Variants in SYN2 observed in about 807,000 individuals in gnomAD.
SYN2 encodes synapsin-2.
A neutral mutation model predicts 50.9 loss-of-function variants in SYN2; 19 were observed. The observed-to-expected ratio is 0.37, with a 90% confidence interval of 0.26 to 0.55. The LOEUF (loss-of-function observed/expected upper bound fraction) is 0.55. SYN2 is among the 20% of genes least tolerant of loss of function. The probability of loss-of-function intolerance (pLI) is 0.81; values close to 1 mark genes in which losing one functional copy is unlikely to be tolerated. For synonymous variants in SYN2, 255 were observed against 224.9 expected, an observed-to-expected ratio of 1.13 and a Z score of -1.20; for missense variants, 587 against 576.4, an observed-to-expected ratio of 1.02 and a Z score of -0.19.
At chr3:12,142,814 C>T (rs901689808) in intron 3 of SYN2, among the ~76,000 whole-genome samples, 3 of 152,152 alleles carry the variant, frequency 2.0e-5, no homozygotes, top group Admixed American at 6.5e-5. Context: ...CTCTCTTCTC[C>T]ACCTCAATCT....
At chr3:12,017,210 A>G (rs1694044241) in intron 1 of SYN2, among the ~76,000 whole-genome samples, 1 of 152,188 alleles carries the variant, frequency 6.6e-6, no homozygotes, top group South Asian at 2.1e-4. Flanking sequence ...CAAGGCAGGG[A>G]AAAGAGGGAA....
intron 1 of SYN2, among the ~76,000 whole-genome samples, chr3:12,127,991 G>T (rs1696708276): frequency 6.6e-6 from 1 of 151,944 alleles, no homozygotes; most frequent in Non-Finnish European, 1.5e-5. Flanking sequence ...TGTTGCCCAG[G>T]CTGGAGTGCA....
chr3:12,022,077 CAAAAAA>C (rs76652649), intron 1 of SYN2, among the ~76,000 whole-genome samples: 1 of 122,584 alleles, frequency 8.2e-6, no homozygotes, highest in African/African-American at 3.2e-5. Context: ...GGCTCTGTGT[CAAAAAA>C]AAAAAAAAAA....
chr3:12,023,759 G>C (rs1199661564), intron 1 of SYN2, among the ~76,000 whole-genome samples: 1 of 152,140 alleles, frequency 6.6e-6, no homozygotes, highest in Non-Finnish European at 1.5e-5. Context: ...TAGAAAATGG[G>C]CTGTGGGGGG....
chr3:12,116,314 A>C (rs990953695), intron 1 of SYN2, among the ~76,000 whole-genome samples: 2 of 152,242 alleles, frequency 1.3e-5, no homozygotes, highest in Non-Finnish European at 2.9e-5. Context: ...GCATGATCAG[A>C]GAAAGGTTGG....
At chr3:12,034,179 T>C (rs765137142) in intron 1 of SYN2, among the ~76,000 whole-genome samples, 5 of 152,234 alleles carry the variant, frequency 3.3e-5, no homozygotes, top group Non-Finnish European at 7.3e-5. Context: ...CTTCACATCC[T>C]CAGTGACAGT....
intron 1 of SYN2, among the ~76,000 whole-genome samples, chr3:12,035,144 A>G (rs1056438904): frequency 3.9e-5 from 6 of 152,218 alleles, no homozygotes; most frequent in African/African-American, 1.2e-4. Context: ...AAAACCCAAC[A>G]TCATGAATAA....
At chr3:12,153,798 A>G in intron 5 of SYN2, 4 of 1,447,042 alleles carry the variant, frequency 2.8e-6, no homozygotes, top group Non-Finnish European at 3.9e-6. Flanking sequence ...GTACCTTTCC[A>G]GCCCATCTCA....
intron 1 of SYN2, among the ~76,000 whole-genome samples, chr3:12,058,745 A>C (rs1056834188): frequency 2.0e-4 from 30 of 152,204 alleles, no homozygotes; most frequent in Admixed American, 1.9e-3. Context: ...TGACCTAGTC[A>C]AAAGATTCTG....
chr3:12,183,367 C>G lies in SYN2; in HGVS notation c.1364C>G (p.Pro455Arg). ...AAGACCCCACCTCAGCGGCCACCCC[C>G]TCAAGGTTGTTTACAGTATATTCTC... ...SSKTPPQRPP[P>R]QGGPGQPQGM... is the part of the protein sequence containing the mutation. Residue 455 changes from proline (P) to arginine (R), a missense_variant, in exon 11 of 13, where the codon CCT (proline) becomes CGT (arginine). Coordinates refer to ENST00000621198, the MANE Select transcript of SYN2 (RefSeq NM_133625.6). 1.2e-6 allele frequency: 2 copies of G among 1,613,948 alleles called. No homozygotes were observed. Among genetic ancestry groups the G allele is most frequent in the Non-Finnish European group, 8.5e-7 (1 of 1,179,868 alleles).
intron 5 of SYN2, chr3:12,159,191 C>G: frequency 3.6e-6 from 1 of 274,486 alleles, no homozygotes; most frequent in Non-Finnish European, 6.8e-6. Context: ...AAGACAAATG[C>G]ATGAGGACAG....
intron 1 of SYN2, among the ~76,000 whole-genome samples, chr3:12,043,105 C>G (rs1273921757): frequency 1.3e-5 from 2 of 151,766 alleles, no homozygotes; most frequent in Non-Finnish European, 2.9e-5. Flanking sequence ...TCATTGCAGC[C>G]TTAAATTCCT....
intron 1 of SYN2, among the ~76,000 whole-genome samples, chr3:12,120,698 C>T (rs915185018): frequency 6.6e-6 from 1 of 152,152 alleles, no homozygotes; most frequent in African/African-American, 2.4e-5. Context: ...CTAGCCACTA[C>T]CTGAGGGAAT....
intron 5 of SYN2, chr3:12,158,859 CTG>C: frequency 6.5e-7 from 1 of 1,549,816 alleles, no homozygotes; most frequent in South Asian, 1.2e-5. Context: ...AGATCCGCGA[CTG>C]AGCCTGTGAG....
At chr3:12,006,423 A>C (rs1161375774) in intron 1 of SYN2, among the ~76,000 whole-genome samples, 1 of 152,240 alleles carries the variant, frequency 6.6e-6, no homozygotes, top group East Asian at 1.9e-4. Context: ...GTTCATATCA[A>C]CAAGTGCTTA....
intron 1 of SYN2, among the ~76,000 whole-genome samples, chr3:12,105,241 G>C (rs1404571197): frequency 6.6e-6 from 1 of 152,080 alleles, no homozygotes; most frequent in Non-Finnish European, 1.5e-5. Flanking sequence ...AGGAGGAATA[G>C]AGATTTTTGA....
At chr3:12,102,649 C>T (rs1299146402) in intron 1 of SYN2, among the ~76,000 whole-genome samples, 1 of 152,108 alleles carries the variant, frequency 6.6e-6, no homozygotes, top group Admixed American at 6.6e-5. Context: ...TATATCTTAA[C>T]GCATGGTCTT....
chr3:12,106,619 C>T (rs888608746), intron 1 of SYN2, among the ~76,000 whole-genome samples: 2 of 152,070 alleles, frequency 1.3e-5, no homozygotes, highest in Non-Finnish European at 2.9e-5. Context: ...GGTTTACAAT[C>T]TTATTCATGT....
intron 1 of SYN2, among the ~76,000 whole-genome samples, chr3:12,065,077 C>T (rs1168097748): frequency 6.6e-6 from 1 of 152,010 alleles, no homozygotes; most frequent in Non-Finnish European, 1.5e-5. Context: ...CATGGATGCA[C>T]CTTGGAAACG....
Sources: gnomAD v4.1 joint callset for allele counts (sites outside exome capture counted in the v4.1 genomes callset) on GRCh38, gnomAD v4.1.1 for gene constraint, MANE v1.5 for transcripts, NCBI Gene and HGNC (gene_info 2026-07-23, HGNC 2026-07-21) for gene names.